SPAST: variants seen among roughly 807,000 people sequenced by gnomAD.
The protein encoded by SPAST is spastin.
A neutral mutation model predicts 76.6 loss-of-function variants in SPAST; 30 were observed. The ratio of observed to expected loss-of-function variants is 0.39; its 90% confidence interval spans 0.29 to 0.53. SPAST has a LOEUF of 0.53. Among genes scored for constraint, SPAST ranks in the 20% least tolerant of loss-of-function variants. The pLI, the probability that SPAST is intolerant of heterozygous loss-of-function variation, is 0.68. For missense variants in SPAST, 717 were observed against 770.5 expected (o/e 0.93, Z 0.82); for synonymous variants, 305 against 281.0 (o/e 1.09, Z -0.86).
At chr2:32,112,851 A>G (rs1235633062) in intron 4 of SPAST, among the ~76,000 whole-genome samples, 1 of 151,232 alleles carries the variant, frequency 6.6e-6, no homozygotes, top group Non-Finnish European at 1.5e-5. Context: ...TTTTTTGGCC[A>G]CTCTAATTTG....
intron 4 of SPAST, among the ~76,000 whole-genome samples, chr2:32,103,816 A>C (rs965898422): frequency 8.5e-5 from 13 of 152,152 alleles, no homozygotes; most frequent in African/African-American, 2.4e-4. Context: ...GTTTGATTGC[A>C]CTGTGGCCTG....
chr2:32,140,194 A>C (rs540868305), intron 12 of SPAST, among the ~76,000 whole-genome samples: 1 of 152,072 alleles, frequency 6.6e-6, no homozygotes, highest in South Asian at 2.1e-4. Flanking sequence ...TTTATTTCTT[A>C]CTGGGTTAGT....
chr2:32,154,264 AT>A (rs1220018474), intron 16 of SPAST, 109 bp from the exon 17 acceptor site: 11 of 957,762 alleles, frequency 1.1e-5, no homozygotes, highest in Middle Eastern at 3.0e-4. Context: ...ATACACGTAT[AT>A]TTTTTATAAC....
At chr2:32,128,250 C>T in intron 8 of SPAST, 158 bp from the exon 9 acceptor site, 1 of 605,746 alleles carries the variant, frequency 1.7e-6, no homozygotes, top group Non-Finnish European at 2.9e-6. Flanking sequence ...CTGCCTCGGC[C>T]TCCGAAAGTG....
intron 16 of SPAST, 86 bp downstream of exon 16, chr2:32,147,344 GGTTTTT>G: frequency 3.8e-5 from 10 of 266,454 alleles, no homozygotes; most frequent in East Asian, 2.3e-4. Context: ...GTGTGTGTGT[GGTTTTT>G]TTTTTTTTTT....
At chr2:32,107,395 G>A (rs1265268611) in intron 4 of SPAST, among the ~76,000 whole-genome samples, 1 of 151,994 alleles carries the variant, frequency 6.6e-6, no homozygotes, top group African/African-American at 2.4e-5. Context: ...GGGACTACAG[G>A]CACCTGCCAC....
chr2:32,157,391 T>C lies in SPAST; in HGVS notation c.*2895T>C, dbSNP rs1328537180. 1 of 152,660 alleles carries C rather than the reference T, an allele frequency of 6.6e-6. No individual in the cohort carries two copies. Among genetic ancestry groups the C allele is most frequent in the Admixed American group, 6.5e-5 (1 of 15,278 alleles). The allele number at this position is 152,660 out of a possible 1,614,324, so 9.5% of individuals were successfully genotyped here. The stretch of plus-strand genomic sequence containing the variant: ...AGCAGATACTAGAATTCTAATTTAA[T>C]TACATATACAGCCGTCTTTGTTTAT... On this transcript the variant is annotated 3_prime_UTR_variant, in exon 17 of 17. Transcript: ENST00000315285.
At chr2:32,143,770 G>C (rs752762152) in intron 14 of SPAST, among the ~76,000 whole-genome samples, 29 of 152,134 alleles carry the variant, frequency 1.9e-4, no homozygotes, top group Non-Finnish European at 3.1e-4. Context: ...CAGGAATGGT[G>C]GCACATACCT....
At chr2:32,135,331 G>A (rs989191016) in intron 9 of SPAST, among the ~76,000 whole-genome samples, 4 of 151,320 alleles carry the variant, frequency 2.6e-5, no homozygotes, top group African/African-American at 9.7e-5. Context: ...AGGTTTCACC[G>A]TGTTAGCCAG....
intron 7 of SPAST, among the ~76,000 whole-genome samples, chr2:32,126,100 C>G (rs376437741): frequency 6.6e-6 from 1 of 152,118 alleles, no homozygotes; most frequent in Non-Finnish European, 1.5e-5. Context: ...CCACCGTGCC[C>G]GGCCAGTTCC....
chr2:32,082,116 C>A (rs1348885974), intron 1 of SPAST, among the ~76,000 whole-genome samples: 3 of 149,620 alleles, frequency 2.0e-5, no homozygotes, highest in Non-Finnish European at 3.0e-5. Flanking sequence ...CCTCAGCCTC[C>A]CAAATAGCTG....
At chr2:32,067,547 CTTAAATCTTTCAG>C (rs1676571485) in intron 1 of SPAST, among the ~76,000 whole-genome samples, 1 of 152,106 alleles carries the variant, frequency 6.6e-6, no homozygotes, top group African/African-American at 2.4e-5. Flanking sequence ...AGGCTGGTGA[CTTAAATCTTTCAG>C]TATCACATAT....
At chr2:32,093,501 C>G (rs538069457) in intron 3 of SPAST, among the ~76,000 whole-genome samples, 9 of 151,962 alleles carry the variant, frequency 5.9e-5, no homozygotes, top group Non-Finnish European at 1.2e-4. Flanking sequence ...ACAAACAAAC[C>G]AAACCACCTC....
chr2:32,106,613 C>CA (rs1678331634), intron 4 of SPAST, among the ~76,000 whole-genome samples: 1 of 152,144 alleles, frequency 6.6e-6, no homozygotes, highest in Admixed American at 6.6e-5. Flanking sequence ...ATATGTAATA[C>CA]AAAACTTCTA....
At chr2:32,124,574 A>G (rs985237472) in intron 7 of SPAST, among the ~76,000 whole-genome samples, 2 of 152,204 alleles carry the variant, frequency 1.3e-5, no homozygotes, top group African/African-American at 4.8e-5. Context: ...TGTACATCCA[A>G]TAAAAAAAAC....
chr2:32,143,283 A>G, intron 13 of SPAST, 53 bp from the exon 14 acceptor site: 1 of 1,104,558 alleles, frequency 9.1e-7, no homozygotes, highest in East Asian at 2.5e-5. Context: ...AAAAAAGAAA[A>G]GAATCATTAA....
intron 4 of SPAST, 133 bp downstream of exon 4, chr2:32,099,024 A>G: frequency 1.4e-6 from 1 of 713,504 alleles, no homozygotes; most frequent in Admixed American, 2.1e-5. Flanking sequence ...CTGTGTTGAA[A>G]ATATAGTACC....
At chr2:32,121,444 C>G (rs1183078554) in intron 7 of SPAST, among the ~76,000 whole-genome samples, 2 of 150,392 alleles carry the variant, frequency 1.3e-5, no homozygotes, top group Admixed American at 1.3e-4. Flanking sequence ...CCCAGCCCCT[C>G]TTGGACCTTT....
At position 32,154,672 on chromosome 2, in the gene SPAST, T is replaced by C; in HGVS notation, c.*176T>C. The C allele has an allele frequency of 1.5e-6, 1 of 657,460 alleles. No homozygotes were observed. Among genetic ancestry groups the C allele is most frequent in the Admixed American group, 2.8e-5 (1 of 35,306 alleles). 40.7% of individuals were successfully genotyped at this position (657,460 alleles called of 1,614,324 possible). A position where few individuals can be genotyped will look rare whatever the true frequency, so the allele number is the denominator to read the frequency against. On this transcript the variant is annotated 3_prime_UTR_variant, in exon 17 of 17. Coordinates refer to ENST00000315285, the MANE Select transcript of SPAST (RefSeq NM_014946.4). The stretch of plus-strand genomic sequence containing the variant: ...AAACAGACTTAAACAAAATATACAA[T>C]GCAAATGTAATTTTTTGTTGTTTAA...
Sources: gnomAD v4.1 joint callset for allele counts (sites outside exome capture counted in the v4.1 genomes callset) on GRCh38, gnomAD v4.1.1 for gene constraint, MANE v1.5 for transcripts, NCBI Gene and HGNC (gene_info 2026-07-23, HGNC 2026-07-21) for gene names.